The following MDGA2 variants were observed in gnomAD, a reference collection of about 807,000 sequenced individuals.
MDGA2 encodes MAM domain-containing glycosylphosphatidylinositol anchor protein 2.
MDGA2 carries 40 observed loss-of-function variants against 117.8 expected under a neutral mutation model. That is an observed-to-expected ratio of 0.34 (90% CI 0.26 to 0.44). The LOEUF is 0.44. Ranked by LOEUF, MDGA2 falls within the 20% of genes least tolerant of loss-of-function variation. The probability of loss-of-function intolerance (pLI) is 1.00; values close to 1 mark genes in which losing one functional copy is unlikely to be tolerated. For missense variants in MDGA2, 1,123 were observed against 1,250.6 expected (o/e 0.90, Z 1.54); for synonymous variants, 452 against 439.0 (o/e 1.03, Z -0.37).
At chr14:46,993,645 A>G (rs1033503613) in intron 8 of MDGA2, among the ~76,000 whole-genome samples, 6 of 152,068 alleles carry the variant, frequency 3.9e-5, no homozygotes, top group African/African-American at 1.4e-4. Flanking sequence ...TATTTTCAGT[A>G]GAGACGGGTT....
chr14:47,675,573 T>A lies in MDGA2; in HGVS notation c.-777A>T, dbSNP rs1370048142. On this transcript the variant is annotated 5_prime_UTR_variant, in exon 1 of 17. Coordinates refer to ENST00000399232, the MANE Select transcript of MDGA2 (RefSeq NM_001113498.3). ...CCAATTCCCGGAGCCGAAAGCAGAG[T>A]CCAGGCACCGCCACTTGCAAGAGAG... 6.6e-6 allele frequency among the ~76,000 whole-genome samples: 1 copy of A among 151,672 alleles called. No individual in the cohort carries two copies. Among genetic ancestry groups the A allele is most frequent in the Non-Finnish European group, 1.5e-5 (1 of 67,896 alleles).
At chr14:47,414,108 A>G (rs574687061) in intron 1 of MDGA2, among the ~76,000 whole-genome samples, 1 of 152,296 alleles carries the variant, frequency 6.6e-6, no homozygotes, top group South Asian at 2.1e-4. Context: ...TAAGGGACAT[A>G]TGAAGTCCTA....
At chr14:47,365,250 T>G (rs1051543254) in intron 1 of MDGA2, among the ~76,000 whole-genome samples, 1 of 152,270 alleles carries the variant, frequency 6.6e-6, no homozygotes, top group African/African-American at 2.4e-5. Flanking sequence ...CATGCCTTTC[T>G]GAGCACAGCT....
chr14:46,961,982 C>T, intron 8 of MDGA2, among the ~76,000 whole-genome samples: 1 of 152,120 alleles, frequency 6.6e-6, no homozygotes. Flanking sequence ...GGAAGTTTTT[C>T]TGTTGGTTTT....
chr14:46,929,626 TA>T (rs1566530289), intron 9 of MDGA2, among the ~76,000 whole-genome samples: 682 of 30,818 alleles, frequency 0.022, 99 homozygotes, highest in African/African-American at 0.043. Flanking sequence ...TATATATATA[TA>T]TATATATATA....
chr14:47,602,376 T>C, intron 1 of MDGA2, among the ~76,000 whole-genome samples: 1 of 152,096 alleles, frequency 6.6e-6, no homozygotes, highest in Non-Finnish European at 1.5e-5. Flanking sequence ...TGAACAGCAT[T>C]AACTCTGATC....
intron 3 of MDGA2, among the ~76,000 whole-genome samples, chr14:47,148,487 C>T (rs1883034777): frequency 6.6e-6 from 1 of 152,152 alleles, no homozygotes; most frequent in Admixed American, 6.5e-5. Flanking sequence ...GCCATTCTAT[C>T]GCTCTATTAA....
intron 1 of MDGA2, among the ~76,000 whole-genome samples, chr14:47,636,851 A>T (rs1317600137): frequency 6.7e-6 from 1 of 149,028 alleles, no homozygotes. Context: ...GCGTGCCTGT[A>T]ATCCCAGCTA....
rs559505918 is a variant in MDGA2 at position 47,331,494 on chromosome 14, T to A, written c.281-29944A>T. On this transcript the variant is annotated intron_variant, in intron 1 of 16. Coordinates refer to ENST00000399232, the MANE Select transcript of MDGA2 (RefSeq NM_001113498.3). Reference sequence around the variant, plus strand: ...AGTTTAGCTTATACACATAGACATCTGAAAAAGTTCCTTTCACAATGCTTC... The same window carrying A: ...AGTTTAGCTTATACACATAGACATCAGAAAAAGTTCCTTTCACAATGCTTC... Among the ~76,000 whole-genome samples the A allele has an allele frequency of 2.0e-4, 31 of 151,852 alleles. No homozygotes were observed. The South Asian group carries it at 6.0e-3, about 29-fold the overall frequency.
intron 1 of MDGA2, among the ~76,000 whole-genome samples, chr14:47,555,530 T>C (rs1179051237): frequency 6.6e-6 from 1 of 152,164 alleles, no homozygotes; most frequent in African/African-American, 2.4e-5. Flanking sequence ...AAAGTCATAA[T>C]CATCCCATAT....
chr14:47,520,985 C>T (rs773091310), intron 1 of MDGA2, among the ~76,000 whole-genome samples: 3 of 152,130 alleles, frequency 2.0e-5, no homozygotes, highest in African/African-American at 4.8e-5. Context: ...TTTTCTAATG[C>T]TTATTGAAGA....
At chr14:47,516,549 G>A (rs529875619) in intron 1 of MDGA2, among the ~76,000 whole-genome samples, 78 of 152,180 alleles carry the variant, frequency 5.1e-4, no homozygotes, top group Non-Finnish European at 9.7e-4. Context: ...AAGCCAATAA[G>A]CCATAAGAAG....
intron 7 of MDGA2, among the ~76,000 whole-genome samples, chr14:47,057,316 C>T (rs1264945051): frequency 2.6e-5 from 4 of 152,000 alleles, no homozygotes; most frequent in African/African-American, 9.7e-5. Context: ...AGTATGCAAC[C>T]ACTATATATT....
At chr14:46,904,697 T>C (rs1394920227) in intron 10 of MDGA2, among the ~76,000 whole-genome samples, 1 of 152,214 alleles carries the variant, frequency 6.6e-6, no homozygotes, top group East Asian at 1.9e-4. Flanking sequence ...AGCTAATGTG[T>C]TCCCGTGTTC....
At chr14:46,871,144 A>G (rs1881978926) in intron 14 of MDGA2, 1 of 129,194 alleles carries the variant, frequency 7.7e-6, no homozygotes, top group Non-Finnish European at 1.6e-5. Flanking sequence ...TGGCTTGGCA[A>G]TTATGCGATT....
At chr14:46,898,844 A>T (rs1249037908) in intron 10 of MDGA2, among the ~76,000 whole-genome samples, 2 of 152,118 alleles carry the variant, frequency 1.3e-5, no homozygotes, top group African/African-American at 4.8e-5. Context: ...AATCATATAG[A>T]TGGCATCAAC....
chr14:47,086,480 G>T (rs565212485), intron 6 of MDGA2, among the ~76,000 whole-genome samples: 28 of 152,106 alleles, frequency 1.8e-4, no homozygotes, highest in African/African-American at 6.7e-4. Context: ...ATTAAAAATT[G>T]TATGTAAAAC....
chr14:47,229,787 A>G (rs1886628141), intron 2 of MDGA2, among the ~76,000 whole-genome samples: 2 of 151,984 alleles, frequency 1.3e-5, no homozygotes, highest in Non-Finnish European at 2.9e-5. Context: ...ATTTTTATGT[A>G]GGTAAAGATG....
chr14:46,908,063 A>AT (rs1883565999), intron 10 of MDGA2, among the ~76,000 whole-genome samples: 1 of 152,206 alleles, frequency 6.6e-6, no homozygotes, highest in Non-Finnish European at 1.5e-5. Context: ...CACACATATC[A>AT]TCACACCACT....
Sources: gnomAD v4.1 joint callset for allele counts (sites outside exome capture counted in the v4.1 genomes callset) on GRCh38, gnomAD v4.1.1 for gene constraint, MANE v1.5 for transcripts, NCBI Gene and HGNC (gene_info 2026-07-23, HGNC 2026-07-21) for gene names.